The following FSHR variants were observed in gnomAD, a reference collection of about 807,000 sequenced individuals.
FSHR encodes follicle-stimulating hormone receptor.
Under a neutral mutation model 52.1 loss-of-function variants are expected in FSHR, and 46 were observed. The observed-to-expected ratio is 0.88, with a 90% confidence interval of 0.70 to 1.13. FSHR has a LOEUF of 1.13. FSHR is among the 50% of genes most tolerant of loss of function. The pLI, the probability that FSHR is intolerant of heterozygous loss-of-function variation, is 0.00. For synonymous variants in FSHR, 399 were observed against 309.6 expected (o/e 1.29, Z -3.03); for missense variants, 964 against 834.6 (o/e 1.16, Z -1.91).
At chr2:49,087,038 C>CTGCTCAG (rs1250707115) in intron 1 of FSHR, among the ~76,000 whole-genome samples, 2 of 135,228 alleles carry the variant, frequency 1.5e-5, no homozygotes, top group African/African-American at 5.6e-5. Flanking sequence ...GCAAGTTGCT[C>CTGCTCAG]TGCTCAGTAG....
At chr2:49,056,774 G>C (rs898483185) in intron 2 of FSHR, among the ~76,000 whole-genome samples, 4 of 151,732 alleles carry the variant, frequency 2.6e-5, no homozygotes, top group African/African-American at 9.7e-5. Context: ...CAATAAACAA[G>C]TCTCAAAAAA....
At chr2:49,039,205 G>A (rs1331260176) in intron 2 of FSHR, among the ~76,000 whole-genome samples, 2 of 152,158 alleles carry the variant, frequency 1.3e-5, no homozygotes, top group Non-Finnish European at 2.9e-5. Flanking sequence ...AAACCAGGCT[G>A]CAGGTCACTC....
intron 2 of FSHR, among the ~76,000 whole-genome samples, chr2:49,063,088 G>C (rs1365470338): frequency 6.6e-6 from 1 of 152,146 alleles, no homozygotes; most frequent in Admixed American, 6.6e-5. Flanking sequence ...TAATGGGTAT[G>C]TATTCAAATG....
intron 2 of FSHR, among the ~76,000 whole-genome samples, chr2:49,050,512 C>T (rs1668816439): frequency 6.6e-6 from 1 of 152,256 alleles, no homozygotes; most frequent in Middle Eastern, 3.4e-3. Flanking sequence ...CCTCTTTTAC[C>T]TTAGCAGGAA....
At chr2:49,080,867 AC>A (rs1670140861) in intron 1 of FSHR, among the ~76,000 whole-genome samples, 1 of 152,072 alleles carries the variant, frequency 6.6e-6, no homozygotes, top group Non-Finnish European at 1.5e-5. Flanking sequence ...AGGGTTCTTA[AC>A]ACTCTGGGCC....
intron 1 of FSHR, among the ~76,000 whole-genome samples, chr2:49,103,861 G>T (rs1479288970): frequency 1.3e-5 from 2 of 152,082 alleles, no homozygotes; most frequent in African/African-American, 4.8e-5. Flanking sequence ...TTATTGCATT[G>T]TGAATAGAGG....
At chr2:49,024,777 G>A (rs1441573385) in intron 2 of FSHR, among the ~76,000 whole-genome samples, 1 of 152,038 alleles carries the variant, frequency 6.6e-6, no homozygotes, top group Non-Finnish European at 1.5e-5. Flanking sequence ...AGACTCAACT[G>A]CATTAAAATA....
chr2:49,055,676 C>T (rs1056225031), intron 2 of FSHR, among the ~76,000 whole-genome samples: 4 of 150,652 alleles, frequency 2.7e-5, no homozygotes, highest in Non-Finnish European at 5.9e-5. Flanking sequence ...CCTCAAGTCA[C>T]ATATTAAAAA....
At chr2:49,101,467 G>A (rs1023492980) in intron 1 of FSHR, among the ~76,000 whole-genome samples, 4 of 152,080 alleles carry the variant, frequency 2.6e-5, no homozygotes, top group African/African-American at 7.2e-5. Flanking sequence ...ACAAGGGTAC[G>A]ATTATAGCTA....
intron 2 of FSHR, among the ~76,000 whole-genome samples, chr2:49,057,091 C>G (rs2091786): frequency 0.35 from 52,412 of 151,778 alleles, 9,692 homozygotes; most frequent in East Asian, 0.49. Flanking sequence ...AACCAATTAA[C>G]ACTGCAACTC....
intron 4 of FSHR, among the ~76,000 whole-genome samples, chr2:49,012,831 G>T (rs895474318): frequency 4.6e-5 from 7 of 152,112 alleles, no homozygotes; most frequent in South Asian, 2.1e-4. Flanking sequence ...GCATGAAGCT[G>T]TTAGGACTCC....
At chr2:49,019,756 T>C (rs994072981) in intron 3 of FSHR, among the ~76,000 whole-genome samples, 6 of 152,228 alleles carry the variant, frequency 3.9e-5, no homozygotes, top group Non-Finnish European at 7.3e-5. Context: ...AACTACATCA[T>C]GTGGGACTTA....
intron 2 of FSHR, among the ~76,000 whole-genome samples, chr2:49,044,049 C>T (rs182083441): frequency 3.3e-5 from 5 of 152,276 alleles, no homozygotes; most frequent in East Asian, 1.9e-4. Context: ...CTCTGTTTTA[C>T]GTGAATTCCA....
At chr2:49,019,717 C>T (rs1490846078) in intron 3 of FSHR, among the ~76,000 whole-genome samples, 1 of 152,194 alleles carries the variant, frequency 6.6e-6, no homozygotes, top group Non-Finnish European at 1.5e-5. Context: ...TGGCATAGGC[C>T]AGTAGTCAGA....
chr2:49,012,706 A>C (rs1453238432), intron 4 of FSHR, among the ~76,000 whole-genome samples: 1 of 152,126 alleles, frequency 6.6e-6, no homozygotes, highest in Non-Finnish European at 1.5e-5. Flanking sequence ...ACTCAATCCT[A>C]CTGGTCCCCA....
intron 2 of FSHR, among the ~76,000 whole-genome samples, chr2:49,055,617 G>A (rs1277592415): frequency 7.3e-6 from 1 of 137,900 alleles, no homozygotes; most frequent in Non-Finnish European, 1.5e-5. Context: ...CAGTCAAATA[G>A]TCAAAAGTCA....
chr2:48,998,525 C>T (rs1676123706), intron 4 of FSHR, among the ~76,000 whole-genome samples: 1 of 151,974 alleles, frequency 6.6e-6, no homozygotes. Flanking sequence ...TAGTAAAATT[C>T]AGCTGGTGTA....
intron 8 of FSHR, among the ~76,000 whole-genome samples, chr2:48,980,559 C>T (rs1339266344): frequency 6.6e-6 from 1 of 152,184 alleles, no homozygotes; most frequent in Non-Finnish European, 1.5e-5. Flanking sequence ...TTCTGTGCCA[C>T]GTTTATCTAA....
chr2:49,136,144 G>A (rs971069741), intron 1 of FSHR, among the ~76,000 whole-genome samples: 3 of 151,970 alleles, frequency 2.0e-5, no homozygotes, highest in Non-Finnish European at 4.4e-5. Context: ...AGAAAAGATA[G>A]TAGACTCAAA....
Sources: gnomAD v4.1 joint callset for allele counts (sites outside exome capture counted in the v4.1 genomes callset) on GRCh38, gnomAD v4.1.1 for gene constraint, MANE v1.5 for transcripts, NCBI Gene and HGNC (gene_info 2026-07-23, HGNC 2026-07-21) for gene names.